Variants in CNTN4 observed in about 807,000 individuals in gnomAD.
The protein encoded by CNTN4 is contactin 4.
Under a neutral mutation model 122.5 loss-of-function variants are expected in CNTN4, and 77 were observed. The ratio of observed to expected loss-of-function variants is 0.63; its 90% CI spans 0.52 to 0.76. The LOEUF is 0.76. CNTN4 is among the 30% of genes least tolerant of loss of function. CNTN4 has a pLI of 0.00. For missense variants in CNTN4, 1,256 were observed against 1,259.1 expected (o/e 1.00, Z 0.04); for synonymous variants, 512 against 447.0 (o/e 1.15, Z -1.83).
chr3:2,437,791 T>C (rs898191934), intron 3 of CNTN4, among the ~76,000 whole-genome samples: 3 of 152,328 alleles, frequency 2.0e-5, no homozygotes, highest in Admixed American at 6.5e-5. Flanking sequence ...TGAAGATTCA[T>C]GACATTTATA....
At chr3:2,574,099 C>CCA (rs764309055) in intron 4 of CNTN4, among the ~76,000 whole-genome samples, 17 of 152,104 alleles carry the variant, frequency 1.1e-4, no homozygotes, top group Non-Finnish European at 2.1e-4. Context: ...GCCTGTAATC[C>CCA]CAGCTACTTG....
At chr3:2,577,148 T>G (rs1439443615) in intron 4 of CNTN4, among the ~76,000 whole-genome samples, 1 of 152,232 alleles carries the variant, frequency 6.6e-6, no homozygotes, top group African/African-American at 2.4e-5. Context: ...TTACTTCTGC[T>G]TCTTGGTATC....
chr3:2,214,178 T>C (rs904521651), intron 2 of CNTN4, among the ~76,000 whole-genome samples: 1 of 152,134 alleles, frequency 6.6e-6, no homozygotes, highest in Non-Finnish European at 1.5e-5. Context: ...GTGAGTAATG[T>C]GGTGAAAGTA....
intron 2 of CNTN4, among the ~76,000 whole-genome samples, chr3:2,137,348 A>G (rs542423176): frequency 6.6e-6 from 1 of 152,316 alleles, no homozygotes; most frequent in African/African-American, 2.4e-5. Context: ...TACATCAGCA[A>G]TGGGCACTGC....
At chr3:2,937,034 C>G (rs984596898) in intron 13 of CNTN4, among the ~76,000 whole-genome samples, 1 of 152,116 alleles carries the variant, frequency 6.6e-6, no homozygotes, top group Non-Finnish European at 1.5e-5. Context: ...AAAAAGTTTG[C>G]CAAACTCTGA....
intron 12 of CNTN4, among the ~76,000 whole-genome samples, chr3:2,920,047 G>A (rs569944865): frequency 6.6e-6 from 1 of 151,998 alleles, no homozygotes; most frequent in Non-Finnish European, 1.5e-5. Flanking sequence ...TCTTGAAATG[G>A]CTCCCGTGCT....
At chr3:2,349,494 G>A (rs1162801427) in intron 3 of CNTN4, among the ~76,000 whole-genome samples, 1 of 152,014 alleles carries the variant, frequency 6.6e-6, no homozygotes, top group African/African-American at 2.4e-5. Flanking sequence ...CTTTAAAAGT[G>A]GTCTCAGAAT....
At chr3:2,875,507 T>C (rs1054335462) in intron 8 of CNTN4, among the ~76,000 whole-genome samples, 6 of 152,200 alleles carry the variant, frequency 3.9e-5, no homozygotes, top group African/African-American at 1.4e-4. Flanking sequence ...CCTATTTTTG[T>C]AAATAAAGTT....
At chr3:3,044,190 T>C (rs1700411667) in intron 23 of CNTN4, among the ~76,000 whole-genome samples, 1 of 152,188 alleles carries the variant, frequency 6.6e-6, no homozygotes, top group African/African-American at 2.4e-5. Flanking sequence ...CCCATAAATG[T>C]TGGCTTGTCT....
At chr3:2,712,646 G>A (rs988659558) in intron 4 of CNTN4, among the ~76,000 whole-genome samples, 8 of 152,160 alleles carry the variant, frequency 5.3e-5, no homozygotes, top group Non-Finnish European at 1.2e-4. Context: ...AATCTCCAAA[G>A]TGCTGTTTTT....
At chr3:2,693,419 G>A (rs910390620) in intron 4 of CNTN4, among the ~76,000 whole-genome samples, 1 of 152,068 alleles carries the variant, frequency 6.6e-6, no homozygotes, top group Non-Finnish European at 1.5e-5. Flanking sequence ...TTAGATGCAG[G>A]CAGAATACAA....
intron 3 of CNTN4, among the ~76,000 whole-genome samples, chr3:2,496,747 A>C (rs1417697848): frequency 6.6e-6 from 1 of 152,296 alleles, no homozygotes; most frequent in Non-Finnish European, 1.5e-5. Flanking sequence ...GTTTTTCCAA[A>C]TGGAAATATG....
chr3:2,798,656 C>T (rs2675325), intron 6 of CNTN4, among the ~76,000 whole-genome samples: 83,528 of 151,796 alleles, frequency 0.55, 24,113 homozygotes, highest in South Asian at 0.75. Flanking sequence ...ACCATAGGCA[C>T]GCAACAAAAC....
At chr3:2,628,579 G>A (rs2082297258) in intron 4 of CNTN4, among the ~76,000 whole-genome samples, 1 of 152,216 alleles carries the variant, frequency 6.6e-6, no homozygotes. Flanking sequence ...TCAGTAGGGA[G>A]TGATGAAGTG....
At chr3:2,419,434 G>A (rs1559535795) in intron 3 of CNTN4, among the ~76,000 whole-genome samples, 1 of 152,108 alleles carries the variant, frequency 6.6e-6, no homozygotes, top group Non-Finnish European at 1.5e-5. Flanking sequence ...TATATTCAAC[G>A]TTTATTTGTT....
intron 2 of CNTN4, among the ~76,000 whole-genome samples, chr3:2,254,052 C>T (rs1197155768): frequency 6.7e-6 from 1 of 150,038 alleles, no homozygotes; most frequent in Non-Finnish European, 1.5e-5. Context: ...CCCCCACCCC[C>T]CTACAGGCCC....
intron 4 of CNTN4, among the ~76,000 whole-genome samples, chr3:2,686,588 A>T (rs966950557): frequency 6.6e-6 from 1 of 152,176 alleles, no homozygotes; most frequent in Non-Finnish European, 1.5e-5. Context: ...ACATTATACA[A>T]TGATCACCAC....
intron 14 of CNTN4, among the ~76,000 whole-genome samples, chr3:2,994,375 TTAAG>T (rs778638161): frequency 7.2e-5 from 11 of 152,032 alleles, no homozygotes; most frequent in Non-Finnish European, 1.5e-4. Flanking sequence ...AATTTATACT[TTAAG>T]TAGCTTTAAT....
At position 3,026,137 on chromosome 3, in the gene CNTN4, G is replaced by T; in HGVS notation, c.1522G>T (p.Asp508Tyr). 1 of 1,613,336 alleles carries T rather than the reference G, an allele frequency of 6.2e-7. No homozygotes were observed. The highest frequency in any genetic ancestry group is 1.1e-5 in the South Asian group (1 of 91,052). ...TRVMVPPSSM[D>Y]VTVGESIVLP... ...GGTAATGGTACCCCCTTCCAGTATG[G>T]ATGTCACTGTTGGAGAGAGTATTGT... The change falls in exon 15 of 25, where the codon GAT becomes TAT. Residue 508 changes from aspartate (D) to tyrosine (Y), a missense_variant. Physicochemically the swap from Asp to Tyr is radical, Grantham distance 160. Coordinates refer to ENST00000418658, the MANE Select transcript of CNTN4 (RefSeq NM_175607.3).
Sources: gnomAD v4.1 joint callset for allele counts (sites outside exome capture counted in the v4.1 genomes callset) on GRCh38, gnomAD v4.1.1 for gene constraint, MANE v1.5 for transcripts, NCBI Gene and HGNC (gene_info 2026-07-23, HGNC 2026-07-21) for gene names.